Variants in SHISA6 observed in about 807,000 individuals in gnomAD.
SHISA6 encodes the protein shisa family member 6.
In SHISA6, 22 loss-of-function variants were observed where a neutral mutation model predicts 47.9. That is an observed-to-expected ratio of 0.46 (90% CI 0.33 to 0.66). The LOEUF (loss-of-function observed/expected upper bound fraction) is 0.66, where lower values mean the gene tolerates loss of function less well. Among genes scored for constraint, SHISA6 ranks in the 30% least tolerant of loss-of-function variants. The pLI is 0.02. For synonymous variants in SHISA6, 388 were observed against 337.8 expected (o/e 1.15, Z -1.63); for missense variants, 680 against 764.6 (o/e 0.89, Z 1.30).
At chr17:11,387,560 G>T (rs985323977) in intron 3 of SHISA6, among the ~76,000 whole-genome samples, 6 of 152,084 alleles carry the variant, frequency 3.9e-5, no homozygotes, top group African/African-American at 1.2e-4. Context: ...TTCAGAAAAC[G>T]CAGAGATGTT....
chr17:11,551,338 CAG>C lies in SHISA6; in HGVS notation c.896-555_896-554del, dbSNP rs199544059. ...TAGACTGTGTCATTTAAAGGCAGGA[CAG>C]AGCCTAGAATCCAGGACTCCTGATC... On this transcript the variant is annotated intron_variant, in intron 3 of 5. Transcript: ENST00000441885. Among the ~76,000 whole-genome samples the C allele has an allele frequency of 9.9e-3, 1,515 of 152,272 alleles. 15 individuals are homozygous for C. The highest frequency in any genetic ancestry group is 0.015 in the Non-Finnish European group (1,021 of 68,022).
rs2142394101 is a variant in SHISA6 at position 11,559,291 on chromosome 17, G to C, written c.*987G>C. The C allele has an allele frequency of 6.5e-6, 1 of 152,694 alleles. No homozygotes were observed. The highest frequency in any genetic ancestry group is 2.1e-4 in the South Asian group (1 of 4,832). 9.5% of individuals were successfully genotyped at this position (152,694 alleles called of 1,614,324 possible). A position where few individuals can be genotyped will look rare whatever the true frequency, so the allele number is the denominator to read the frequency against. On this transcript the variant is annotated 3_prime_UTR_variant, in exon 6 of 6. Transcript: ENST00000441885. This position sits in a 1 kb window ranked among gnomAD's most constrained non-coding sequence, Gnocchi z 4.4. ...AGGAGGCACCTGCGGTGGCCAGAGA[G>C]CCAGGGTGGGGAGGGCCACTGTGAT...
intron 2 of SHISA6, among the ~76,000 whole-genome samples, chr17:11,317,436 A>G (rs904306653): frequency 2.0e-5 from 3 of 151,806 alleles, no homozygotes; most frequent in Admixed American, 6.6e-5. Context: ...TCATAAACAT[A>G]TAGTTTATCT....
At chr17:11,395,010 T>C (rs1247450283) in intron 3 of SHISA6, among the ~76,000 whole-genome samples, 1 of 144,686 alleles carries the variant, frequency 6.9e-6, no homozygotes, top group Non-Finnish European at 1.5e-5. Context: ...TTTTTTTTTT[T>C]TTTTTTTTTG....
Position 11,365,711 on chromosome 17 carries a change from C to T in SHISA6, c.800-13703C>T, listed in dbSNP as rs187193989. ...TATCAACAGATATATCCTATGTGCC[C>T]AGCACTGCTCTAGGTACAGGATATC... On this transcript the variant is annotated intron_variant, in intron 2 of 5. Coordinates refer to ENST00000441885, the MANE Select transcript of SHISA6 (RefSeq NM_207386.4). Among the ~76,000 whole-genome samples, 12 of 152,318 alleles carry T rather than the reference C, an allele frequency of 7.9e-5. No individual in the cohort carries two copies. The East Asian group carries it at 2.1e-3, about 27-fold the overall frequency.
intron 1 of SHISA6, among the ~76,000 whole-genome samples, chr17:11,250,392 T>C (rs1907754782): frequency 6.6e-6 from 1 of 152,230 alleles, no homozygotes; most frequent in Non-Finnish European, 1.5e-5. Flanking sequence ...AGGCTGCCAG[T>C]GAGCACTGCT....
chr17:11,358,611 G>A (rs1348681885), intron 2 of SHISA6, among the ~76,000 whole-genome samples: 4 of 150,668 alleles, frequency 2.7e-5, no homozygotes, highest in African/African-American at 4.9e-5. Flanking sequence ...CACCCACCTC[G>A]GCCTCCCAAA....
chr17:11,442,306 T>C (rs925374553), intron 3 of SHISA6, among the ~76,000 whole-genome samples: 1 of 149,840 alleles, frequency 6.7e-6, no homozygotes, highest in Non-Finnish European at 1.5e-5. Context: ...CCTGATCCTT[T>C]TGGGTCTACC....
intron 2 of SHISA6, among the ~76,000 whole-genome samples, chr17:11,363,790 G>A (rs1436481071): frequency 2.0e-5 from 3 of 152,174 alleles, no homozygotes; most frequent in Admixed American, 6.5e-5. Flanking sequence ...GACAACACCC[G>A]GAGGTTACTG....
intron 3 of SHISA6, among the ~76,000 whole-genome samples, chr17:11,523,186 C>T (rs914207304): frequency 3.3e-5 from 5 of 152,128 alleles, no homozygotes; most frequent in Non-Finnish European, 7.4e-5. Context: ...TGTAAAGGCA[C>T]GTTCTAGGGC....
chr17:11,515,827 T>A (rs1489323248), intron 3 of SHISA6, among the ~76,000 whole-genome samples: 1 of 152,144 alleles, frequency 6.6e-6, no homozygotes, highest in African/African-American at 2.4e-5. Context: ...CAAGCACCTA[T>A]GTTTCCCTGT....
intron 3 of SHISA6, among the ~76,000 whole-genome samples, chr17:11,395,364 C>G (rs748132648): frequency 1.2e-4 from 18 of 152,120 alleles, no homozygotes; most frequent in Non-Finnish European, 2.5e-4. Flanking sequence ...CACAGGCCCT[C>G]TAACTGTTTA....
intron 3 of SHISA6, among the ~76,000 whole-genome samples, chr17:11,504,963 G>C (rs73286834): frequency 0.021 from 3,206 of 152,252 alleles, 116 homozygotes; most frequent in African/African-American, 0.073. Flanking sequence ...CACTGCTGTG[G>C]AGCTGTTCTT....
intron 3 of SHISA6, among the ~76,000 whole-genome samples, chr17:11,479,316 T>C (rs1263744004): frequency 1.3e-5 from 2 of 152,184 alleles, no homozygotes; most frequent in East Asian, 3.9e-4. Context: ...TGTTAGGACA[T>C]GGATGAAGCT....
At chr17:11,471,468 TC>T (rs1370716000) in intron 3 of SHISA6, among the ~76,000 whole-genome samples, 4 of 152,172 alleles carry the variant, frequency 2.6e-5, no homozygotes, top group Non-Finnish European at 5.9e-5. Context: ...ATGGAAGATA[TC>T]AGCACGCTTA....
intron 3 of SHISA6, among the ~76,000 whole-genome samples, chr17:11,434,224 C>A (rs1914872589): frequency 6.6e-6 from 1 of 151,930 alleles, no homozygotes; most frequent in Admixed American, 6.6e-5. Flanking sequence ...CCACCACACC[C>A]AGCTAGTTTT....
chr17:11,502,253 C>CA (rs1174281149), intron 3 of SHISA6, among the ~76,000 whole-genome samples: 4 of 149,574 alleles, frequency 2.7e-5, no homozygotes, highest in Non-Finnish European at 5.9e-5. Flanking sequence ...ACTAAAAATA[C>CA]AAAAAATTAG....
intron 2 of SHISA6, among the ~76,000 whole-genome samples, chr17:11,370,255 A>G (rs1354057314): frequency 6.6e-6 from 1 of 152,126 alleles, no homozygotes; most frequent in African/African-American, 2.4e-5. Context: ...TAGCCATGTA[A>G]CTTTCTTAAG....
intron 2 of SHISA6, among the ~76,000 whole-genome samples, chr17:11,369,194 G>A (rs536022911): frequency 4.6e-4 from 70 of 152,246 alleles, no homozygotes; most frequent in African/African-American, 1.7e-3. Context: ...GGAATGAAAG[G>A]AACTCCCAGC....
Sources: allele counts gnomAD v4.1 joint callset (sites outside exome capture counted in the v4.1 genomes callset), GRCh38; gene constraint gnomAD v4.1.1; non-coding constraint Gnocchi (gnomAD v3.1); transcripts MANE v1.5; gene names NCBI Gene and HGNC (gene_info 2026-07-23, HGNC 2026-07-21).